Variants in ITPRID1 observed in about 807,000 individuals in gnomAD.
The protein encoded by ITPRID1 is ITPR interacting domain containing 1.
Under a neutral mutation model 95.4 loss-of-function variants are expected in ITPRID1, and 96 were observed. The observed-to-expected ratio is 1.01, with a 90% confidence interval of 0.85 to 1.19. The LOEUF is 1.19. Ranked by LOEUF, ITPRID1 falls within the 50% of genes most tolerant of loss-of-function variation. The pLI, the probability that ITPRID1 is intolerant of heterozygous loss-of-function variation, is 0.00. For missense variants in ITPRID1, 1,339 were observed against 1,252.9 expected, an observed-to-expected ratio of 1.07 and a Z score of -1.04; for synonymous variants, 510 against 453.6, an observed-to-expected ratio of 1.12 and a Z score of -1.58.
chr7:31,558,832 T>C (rs1583496639), intron 5 of ITPRID1, among the ~76,000 whole-genome samples: 1 of 152,248 alleles, frequency 6.6e-6, no homozygotes, highest in African/African-American at 2.4e-5. Flanking sequence ...CTCTAACTTT[T>C]CTTTACTTCT....
At chr7:31,617,266 A>AAAATGATTGATAGAT (rs1611054) in intron 10 of ITPRID1, among the ~76,000 whole-genome samples, 2 of 152,194 alleles carry the variant, frequency 1.3e-5, no homozygotes, top group African/African-American at 4.8e-5. Flanking sequence ...CAACAATTTA[A>AAAATGATTGATAGAT]CTTTGCAAAG....
chr7:31,585,567 T>C (rs1477892533), intron 10 of ITPRID1, among the ~76,000 whole-genome samples: 1 of 152,154 alleles, frequency 6.6e-6, no homozygotes, highest in Non-Finnish European at 1.5e-5. Context: ...GTGGGATACA[T>C]TGTGGGCGAA....
intron 10 of ITPRID1, among the ~76,000 whole-genome samples, chr7:31,591,869 A>G (rs973570193): frequency 4.6e-5 from 7 of 152,200 alleles, no homozygotes; most frequent in African/African-American, 1.7e-4. Flanking sequence ...GTAGTTACTA[A>G]ATTCAGGCAC....
chr7:31,588,025 C>T (rs1364509727), intron 10 of ITPRID1, among the ~76,000 whole-genome samples: 9 of 152,182 alleles, frequency 5.9e-5, no homozygotes, highest in African/African-American at 1.7e-4. Context: ...GAGGACATGG[C>T]GTCTATGTAA....
chr7:31,608,137 C>T (rs1034642580), intron 10 of ITPRID1, among the ~76,000 whole-genome samples: 13 of 151,936 alleles, frequency 8.6e-5, no homozygotes, highest in Non-Finnish European at 1.8e-4. Flanking sequence ...CATTGAATTA[C>T]CTTAGTACCT....
At chr7:31,572,243 AT>A in intron 7 of ITPRID1, 55 bp downstream of exon 7, 1 of 1,115,004 alleles carries the variant, frequency 9.0e-7, no homozygotes, top group Non-Finnish European at 1.3e-6. Flanking sequence ...GCAACAATGG[AT>A]TTCATGAAAT....
intron 12 of ITPRID1, among the ~76,000 whole-genome samples, chr7:31,648,189 C>T (rs902788954): frequency 6.6e-6 from 1 of 152,072 alleles, no homozygotes; most frequent in Non-Finnish European, 1.5e-5. Flanking sequence ...GTAATATGAG[C>T]ATATTCAAAG....
intron 10 of ITPRID1, among the ~76,000 whole-genome samples, chr7:31,625,858 A>G (rs1252682411): frequency 6.6e-6 from 1 of 152,186 alleles, no homozygotes; most frequent in Non-Finnish European, 1.5e-5. Flanking sequence ...CTATTTTATA[A>G]ATGCTTAAAA....
Position 31,549,463 on chromosome 7 carries a change from G to A in ITPRID1, c.-60G>A, listed in dbSNP as rs117297547. The A allele has an allele frequency of 0.025, 38,253 of 1,521,574 alleles. 688 individuals carry two copies. The highest frequency in any genetic ancestry group is 0.062 in the South Asian group (4,945 of 80,088). The allele number at this position is 1,521,574 out of a possible 1,614,324, so 94.3% of individuals were successfully genotyped here. On this transcript the variant is annotated 5_prime_UTR_variant, in exon 2 of 15. Coordinates refer to ENST00000615280, the MANE Select transcript of ITPRID1 (RefSeq NM_001257967.3). ...TAAGGACAAGAAGCAACACACAGAAGAGAAGGAAAAAGAAAGAAAACTGAC... is the reference window on the plus strand; with the variant it reads ...TAAGGACAAGAAGCAACACACAGAAAAGAAGGAAAAAGAAAGAAAACTGAC...
chr7:31,534,709 C>G (rs771225388), intron 1 of ITPRID1, among the ~76,000 whole-genome samples: 1 of 151,822 alleles, frequency 6.6e-6, no homozygotes, highest in South Asian at 2.1e-4. Context: ...ATCCAGTTGA[C>G]CATTTCTGTC....
chr7:31,537,509 G>A (rs1562554618), intron 1 of ITPRID1, among the ~76,000 whole-genome samples: 1 of 151,786 alleles, frequency 6.6e-6, no homozygotes, highest in Non-Finnish European at 1.5e-5. Flanking sequence ...AAGTTAGCTG[G>A]ATTTTCTGTT....
In ITPRID1 at chr7:31,651,277, C is replaced by A; in HGVS notation, c.2711+8C>A. 2 of 1,611,652 alleles carry A rather than the reference C, an allele frequency of 1.2e-6. No homozygotes were observed. The highest frequency in any genetic ancestry group is 1.7e-6 in the Non-Finnish European group (2 of 1,178,696). Reference sequence around the variant, plus strand: ...CATGTCAGAGGAGGAAAGGTAATTACCTAAGGGAGCCATAAAAGTAAGTAC... The same window carrying A: ...CATGTCAGAGGAGGAAAGGTAATTAACTAAGGGAGCCATAAAAGTAAGTAC... On this transcript the variant is annotated splice_region_variant and intron_variant, in intron 13 of 14. Coordinates refer to ENST00000615280, the MANE Select transcript of ITPRID1 (RefSeq NM_001257967.3).
chr7:31,614,516 A>T (rs140614534), intron 10 of ITPRID1, among the ~76,000 whole-genome samples: 2,303 of 152,278 alleles, frequency 0.015, 52 homozygotes, highest in African/African-American at 0.053. Flanking sequence ...AGAGACACTT[A>T]ATAGGTATAT....
Position 31,656,216 on chromosome 7 carries a change from A to T in ITPRID1, c.*3387A>T, listed in dbSNP as rs1791297032. On this transcript the variant is annotated 3_prime_UTR_variant, in exon 15 of 15. Transcript: ENST00000615280. ...TATCTTCTCTAGTAAACTTAAAGCTATTTGAGGACTGTGTAGTACCTACTA... is the reference window on the plus strand; with the variant it reads ...TATCTTCTCTAGTAAACTTAAAGCTTTTTGAGGACTGTGTAGTACCTACTA... 1 of 197,004 alleles carries T rather than the reference A, an allele frequency of 5.1e-6. No individual in the cohort carries two copies. 12.2% of individuals were successfully genotyped at this position (197,004 alleles called of 1,614,324 possible). A position where few individuals can be genotyped will look rare whatever the true frequency, so the allele number is the denominator to read the frequency against.
intron 1 of ITPRID1, among the ~76,000 whole-genome samples, chr7:31,542,200 T>C (rs1023914429): frequency 6.6e-5 from 10 of 152,188 alleles, no homozygotes; most frequent in Admixed American, 6.5e-4. Context: ...TATGTACTAG[T>C]TATAGAGCCT....
intron 1 of ITPRID1, among the ~76,000 whole-genome samples, chr7:31,542,180 C>T (rs529683756): frequency 1.7e-3 from 259 of 152,182 alleles, no homozygotes; most frequent in Non-Finnish European, 3.0e-3. Flanking sequence ...GGTGAGCTTG[C>T]GATTTGAATT....
chr7:31,540,002 G>GT (rs1783882304), intron 1 of ITPRID1, among the ~76,000 whole-genome samples: 1 of 152,152 alleles, frequency 6.6e-6, no homozygotes, highest in African/African-American at 2.4e-5. Flanking sequence ...GATTTAGGCA[G>GT]TTTTTTATCG....
Position 31,642,682 on chromosome 7 carries a change from A to G in ITPRID1, c.1312A>G (p.Met438Val). The change falls in exon 12 of 15, where the codon ATG (methionine) becomes GTG (valine). Residue 438 changes from methionine to valine, a missense_variant and splice_region_variant. Met to Val is a conservative substitution (Grantham distance 21, BLOSUM62 1). Coordinates refer to ENST00000615280, the MANE Select transcript of ITPRID1 (RefSeq NM_001257967.3). ...CCCTTTGTCCTGGTTTCCCCTACAG[A>G]TGCCTTCCTTGCCAAACAGCCAGAG... ...EEPLEPLPLQ[M>V]PSLPNSQSPA... 1 of 1,612,890 alleles carries G rather than the reference A, an allele frequency of 6.2e-7. No individual in the cohort carries two copies. Among genetic ancestry groups the G allele is most frequent in the South Asian group, 1.1e-5 (1 of 90,948 alleles).
chr7:31,617,174 A>AAGCCTGGAGAAGGGAAG (rs1446460709), intron 10 of ITPRID1, among the ~76,000 whole-genome samples: 1 of 152,182 alleles, frequency 6.6e-6, no homozygotes, highest in African/African-American at 2.4e-5. Flanking sequence ...TCAGGAAGAA[A>AAGCCTGGAGAAGGGAAG]AGCCTGGAGA....
Sources: allele counts gnomAD v4.1 joint callset (sites outside exome capture counted in the v4.1 genomes callset), GRCh38; gene constraint gnomAD v4.1.1; transcripts MANE v1.5; gene names NCBI Gene and HGNC (gene_info 2026-07-23, HGNC 2026-07-21).